DST: variants seen among roughly 807,000 people sequenced by gnomAD.
DST encodes dystonin, also known as bullous pemphigoid antigen.
In DST, 253 loss-of-function variants were observed where a neutral mutation model predicts 875.2. That is an observed-to-expected ratio of 0.29 (90% CI 0.26 to 0.32). The LOEUF is 0.32. DST is among the 10% of genes least tolerant of loss of function. The pLI is 1.00. For synonymous variants in DST, 3,124 were observed against 3,197.1 expected, an observed-to-expected ratio of 0.98 and a Z score of 0.77; for missense variants, 8,287 against 9,111.6, an observed-to-expected ratio of 0.91 and a Z score of 3.68.
intron 4 of DST, among the ~76,000 whole-genome samples, chr6:56,831,127 T>C (rs753814342): frequency 2.6e-5 from 4 of 152,222 alleles, no homozygotes; most frequent in Non-Finnish European, 4.4e-5. Flanking sequence ...ATTATGATCA[T>C]CAATCTAATT....
At chr6:56,856,404 T>C (rs907847369) in intron 3 of DST, among the ~76,000 whole-genome samples, 6 of 152,192 alleles carry the variant, frequency 3.9e-5, no homozygotes, top group Non-Finnish European at 8.8e-5. Flanking sequence ...GGCTGAAAAG[T>C]AAACTTTCAT....
intron 4 of DST, among the ~76,000 whole-genome samples, chr6:56,791,065 G>A (rs1394835440): frequency 2.0e-5 from 3 of 152,244 alleles, no homozygotes; most frequent in Non-Finnish European, 4.4e-5. Context: ...GTGGGTGAAT[G>A]AGAGTAGCTG....
At chr6:56,584,513 T>C (rs549420365) in intron 49 of DST, among the ~76,000 whole-genome samples, 1 of 150,356 alleles carries the variant, frequency 6.7e-6, no homozygotes, top group East Asian at 1.9e-4. Context: ...TGGGGTTTTC[T>C]AGATATACAA....
intron 4 of DST, 133 bp from the exon 5 acceptor site, chr6:56,735,422 T>G (rs2099519296): frequency 1.5e-6 from 1 of 652,674 alleles, no homozygotes; most frequent in South Asian, 1.9e-5. Context: ...CTTGTTAAAT[T>G]TTGGCAACTT....
intron 3 of DST, among the ~76,000 whole-genome samples, chr6:56,852,380 C>A (rs1343373639): frequency 1.3e-5 from 2 of 152,158 alleles, no homozygotes; most frequent in Non-Finnish European, 2.9e-5. Context: ...AATGATGCTG[C>A]GCAGTGACAG....
At position 56,895,056 on chromosome 6, in the gene DST, G is replaced by A. The variant is rs1482273205; in HGVS notation, c.417+5365C>T. On this transcript the variant is annotated intron_variant, in intron 3 of 103. Transcript: ENST00000680361. ...TTGACCCCCCACCTCCCTCCTGGAC[G>A]GGGCGACTGGCCGGGCAGAGGGGCT... 8.3e-5 allele frequency among the ~76,000 whole-genome samples: 9 copies of A among 108,528 alleles called. 1 individual carries two copies. Among genetic ancestry groups the A allele is most frequent in the Non-Finnish European group, 1.3e-4 (7 of 54,916 alleles). The allele number at this position is 108,528 out of a possible 152,430, so 71.2% of individuals were successfully genotyped here. A position where few individuals can be genotyped will look rare whatever the true frequency, so the allele number is the denominator to read the frequency against.
Position 56,872,830 on chromosome 6 carries a change from C to A in DST, c.418-21226G>T, listed in dbSNP as rs533054671. On this transcript the variant is annotated intron_variant, in intron 3 of 103. Transcript: ENST00000680361. ...CTCTTCAATACACTGATTCCCCCCCCCCTTTTTTTTTTTTTCGGATATATA... is the reference window on the plus strand; with the variant it reads ...CTCTTCAATACACTGATTCCCCCCCACCTTTTTTTTTTTTTCGGATATATA... Among the ~76,000 whole-genome samples the A allele has an allele frequency of 2.1e-4, 28 of 130,308 alleles. No individual in the cohort carries two copies. The East Asian group carries it at 2.7e-3, about 13-fold the overall frequency. The allele number at this position is 130,308 out of a possible 152,430, so 85.5% of individuals were successfully genotyped here. A position where few individuals can be genotyped will look rare whatever the true frequency, so the allele number is the denominator to read the frequency against.
chr6:56,606,941 G>C lies in DST; in HGVS notation c.7687C>G (p.Pro2563Ala). ...EIEEYSCAVT[P>A]GGDTDNAIVS... The stretch of plus-strand genomic sequence containing the variant: ...ATGGCATTATCAGTATCACCCCCTG[G>C]AGTCACAGCACAGGAATACTCTTCT... The change falls in exon 40 of 104, where the codon CCA (proline) becomes GCA (alanine). Residue 2563 changes from proline (P) to alanine (A), a missense_variant. Physicochemically the swap from Pro to Ala is conservative, Grantham distance 27. Transcript: ENST00000680361. 3 of 1,613,390 alleles carry C rather than the reference G, an allele frequency of 1.9e-6. No homozygotes were observed. Among genetic ancestry groups the C allele is most frequent in the South Asian group, 2.2e-5 (2 of 91,060 alleles).
At chr6:56,950,593 G>A (rs1056294595) in intron 2 of DST, among the ~76,000 whole-genome samples, 4 of 152,160 alleles carry the variant, frequency 2.6e-5, no homozygotes, top group East Asian at 1.9e-4. Context: ...CAGAATGAAC[G>A]CTTGGTTTCT....
intron 5 of DST, among the ~76,000 whole-genome samples, chr6:56,724,487 C>G (rs139976008): frequency 3.3e-5 from 5 of 152,260 alleles, no homozygotes; most frequent in African/African-American, 7.2e-5. Flanking sequence ...TTGTAGAAAA[C>G]CTAAGTGCTA....
intron 2 of DST, among the ~76,000 whole-genome samples, chr6:56,900,875 CAA>C (rs539371079): frequency 4.6e-4 from 44 of 96,108 alleles, no homozygotes; most frequent in Admixed American, 5.7e-4. Context: ...AAAGCCAGTC[CAA>C]AAAAAAAAAA....
At chr6:56,805,713 C>G (rs2099752256) in intron 4 of DST, among the ~76,000 whole-genome samples, 1 of 152,182 alleles carries the variant, frequency 6.6e-6, no homozygotes. Context: ...CAGGCAGGTA[C>G]TAGTATCATT....
intron 4 of DST, among the ~76,000 whole-genome samples, chr6:56,786,416 A>G (rs1489777630): frequency 3.3e-5 from 5 of 152,246 alleles, no homozygotes; most frequent in Non-Finnish European, 7.3e-5. Flanking sequence ...AATAATGAGA[A>G]TACCCTAAGA....
intron 61 of DST, among the ~76,000 whole-genome samples, chr6:56,546,096 C>G (rs115657253): frequency 0.03 from 4,600 of 151,812 alleles, 88 homozygotes; most frequent in Non-Finnish European, 0.043. Context: ...AGAATATTCT[C>G]ATCCTAAAGC....
intron 61 of DST, among the ~76,000 whole-genome samples, chr6:56,544,152 A>G (rs986971795): frequency 1.3e-5 from 2 of 152,236 alleles, no homozygotes; most frequent in Non-Finnish European, 2.9e-5. Context: ...ATGGTCTCAT[A>G]CTTACCACGC....
At chr6:56,545,521 A>C (rs2097207632) in intron 61 of DST, among the ~76,000 whole-genome samples, 1 of 151,952 alleles carries the variant, frequency 6.6e-6, no homozygotes, top group South Asian at 2.1e-4. Flanking sequence ...AATTATAAGC[A>C]AAACAGTAAT....
At chr6:56,772,710 C>T (rs1371013404) in intron 4 of DST, among the ~76,000 whole-genome samples, 4 of 152,072 alleles carry the variant, frequency 2.6e-5, no homozygotes, top group South Asian at 2.1e-4. Flanking sequence ...CATACATGAG[C>T]GAAAATTCCT....
intron 4 of DST, among the ~76,000 whole-genome samples, chr6:56,763,716 CACACACACAT>C (rs2099624477): frequency 1.4e-5 from 2 of 140,824 alleles, no homozygotes; most frequent in South Asian, 4.7e-4. Flanking sequence ...CACACACACA[CACACACACAT>C]ATAGGGATGG....
At position 56,845,630 on chromosome 6, in the gene DST, G is replaced by C. The variant is rs192767487; in HGVS notation, c.625+5767C>G. 2.4e-4 allele frequency among the ~76,000 whole-genome samples: 37 copies of C among 152,260 alleles called. 1 individual carries two copies. In the South Asian group the frequency reaches 7.7e-3, roughly 32 times the overall value. The stretch of plus-strand genomic sequence containing the variant: ...ATGGGACACCTTCTTGAAATAAAAG[G>C]GTTAGCAATTAAGTCCCTGAAAGTC... On this transcript the variant is annotated intron_variant, in intron 4 of 103. Transcript: ENST00000680361.
Sources: allele counts gnomAD v4.1 joint callset (sites outside exome capture counted in the v4.1 genomes callset), GRCh38; gene constraint gnomAD v4.1.1; transcripts MANE v1.5; gene names NCBI Gene and HGNC (gene_info 2026-07-23, HGNC 2026-07-21).